Variants in STOX2 observed in about 807,000 individuals in gnomAD.
STOX2 encodes the protein storkhead-box protein 2.
A neutral mutation model predicts 60.9 loss-of-function variants in STOX2; 28 were observed. The ratio of observed to expected loss-of-function variants is 0.46; its 90% CI spans 0.34 to 0.63. The LOEUF (loss-of-function observed/expected upper bound fraction) is 0.63, where lower values mean the gene tolerates loss of function less well. Among genes scored for constraint, STOX2 ranks in the 30% least tolerant of loss-of-function variants. The pLI is 0.01. For missense variants in STOX2, 1,024 were observed against 1,187.7 expected, an observed-to-expected ratio of 0.86 and a Z score of 2.03; for synonymous variants, 472 against 463.9, an observed-to-expected ratio of 1.02 and a Z score of -0.22.
At chr4:183,860,911 C>A (rs1485542639) in intron 1 of STOX2, among the ~76,000 whole-genome samples, 3 of 152,216 alleles carry the variant, frequency 2.0e-5, no homozygotes, top group African/African-American at 7.2e-5. Flanking sequence ...GCCTGCCAAG[C>A]ATCTTCCTGT....
At chr4:183,969,354 G>A (rs569304023) in intron 1 of STOX2, among the ~76,000 whole-genome samples, 11 of 152,244 alleles carry the variant, frequency 7.2e-5, no homozygotes, top group African/African-American at 1.2e-4. Flanking sequence ...GATAGCTTTC[G>A]CAAATTTAGA....
At chr4:183,911,616 G>C (rs1270316543) in intron 1 of STOX2, among the ~76,000 whole-genome samples, 1 of 151,784 alleles carries the variant, frequency 6.6e-6, no homozygotes, top group African/African-American at 2.4e-5. Flanking sequence ...GTTTTTATTT[G>C]AAAAAAAGGA....
At chr4:183,998,455 C>T (rs759745173) in intron 1 of STOX2, among the ~76,000 whole-genome samples, 1 of 152,166 alleles carries the variant, frequency 6.6e-6, no homozygotes, top group East Asian at 1.9e-4. Flanking sequence ...GCCTGCGGTA[C>T]GGAGGGCAGA....
Position 184,001,237 on chromosome 4 carries a change from C to G in STOX2, c.167-88C>G. On this transcript the variant is annotated intron_variant, in intron 1 of 3. Transcript: ENST00000308497. This position sits in a 1 kb window ranked among gnomAD's most constrained non-coding sequence, Gnocchi z 4.2. ...TCGGAGCTGACTGTGTTCGTCAGAC[C>G]AGGGCCAGATGGACGCGTGAAGGCG... The G allele has an allele frequency of 1.5e-6, 2 of 1,346,694 alleles. No homozygotes were observed. Among genetic ancestry groups the G allele is most frequent in the Non-Finnish European group, 2.1e-6 (2 of 960,092 alleles). The allele number at this position is 1,346,694 out of a possible 1,614,324, so 83.4% of individuals were successfully genotyped here. A position where few individuals can be genotyped will look rare whatever the true frequency, so the allele number is the denominator to read the frequency against.
chr4:183,848,522 C>T (rs1355604875), intron 1 of STOX2, among the ~76,000 whole-genome samples: 1 of 152,132 alleles, frequency 6.6e-6, no homozygotes, highest in Non-Finnish European at 1.5e-5. Flanking sequence ...TGTGATTCTT[C>T]TGTCAGGGCT....
intron 1 of STOX2, among the ~76,000 whole-genome samples, chr4:183,948,507 T>G (rs928425686): frequency 6.8e-6 from 1 of 146,460 alleles, no homozygotes; most frequent in African/African-American, 2.5e-5. Context: ...TATGCAGCCT[T>G]TGGACAAGCT....
chr4:183,830,182 T>C (rs1438525958), intron 1 of STOX2, among the ~76,000 whole-genome samples: 1 of 152,200 alleles, frequency 6.6e-6, no homozygotes, highest in African/African-American at 2.4e-5. Context: ...ACAAGGTATC[T>C]AGGGTCACCT....
chr4:184,006,355 AC>A (rs1733826153), intron 2 of STOX2, among the ~76,000 whole-genome samples: 1 of 152,186 alleles, frequency 6.6e-6, no homozygotes, highest in African/African-American at 2.4e-5. Flanking sequence ...GCTGTGCCAA[AC>A]AATGACAGTG....
intron 1 of STOX2, among the ~76,000 whole-genome samples, chr4:183,942,677 G>T (rs1742784589): frequency 6.6e-6 from 1 of 151,922 alleles, no homozygotes; most frequent in African/African-American, 2.4e-5. Context: ...GTAAAATATG[G>T]GCTAACTACT....
chr4:183,968,343 T>TACACACACACAC lies in STOX2; in HGVS notation c.167-32956_167-32945dup, dbSNP rs60432446. Among the ~76,000 whole-genome samples the TACACACACACAC allele has an allele frequency of 5.3e-3, 778 of 145,582 alleles. 7 individuals carry two copies. Among genetic ancestry groups the TACACACACACAC allele is most frequent in the African/African-American group, 0.017 (683 of 39,666 alleles). On this transcript the variant is annotated intron_variant, in intron 1 of 3. Transcript: ENST00000308497. ...TTTAACATGCACACATGCATATACC[T>TACACACACACAC]ACACACACACACACACACACACACA...
chr4:183,981,743 A>G (rs923389366), intron 1 of STOX2, among the ~76,000 whole-genome samples: 1 of 152,242 alleles, frequency 6.6e-6, no homozygotes, highest in African/African-American at 2.4e-5. Flanking sequence ...AAAAAATTAG[A>G]TATCTGCATA....
intron 1 of STOX2, among the ~76,000 whole-genome samples, chr4:183,824,912 G>A (rs554974299): frequency 2.2e-4 from 33 of 152,302 alleles, no homozygotes; most frequent in African/African-American, 7.5e-4. Context: ...GAAGAGAGGG[G>A]ACCGATAGAG....
intron 1 of STOX2, among the ~76,000 whole-genome samples, chr4:183,883,350 C>G (rs907435652): frequency 6.8e-6 from 1 of 146,144 alleles, no homozygotes; most frequent in Non-Finnish European, 1.5e-5. Flanking sequence ...GACAGAGTCT[C>G]GCTCTGTCGC....
chr4:183,819,411 G>A (rs1012233384), intron 1 of STOX2, among the ~76,000 whole-genome samples: 3 of 151,906 alleles, frequency 2.0e-5, no homozygotes, highest in Non-Finnish European at 2.9e-5. Context: ...CAGGCATGGC[G>A]GCGCGCGCCC....
chr4:183,881,059 C>G (rs1740947129), intron 1 of STOX2, among the ~76,000 whole-genome samples: 1 of 152,116 alleles, frequency 6.6e-6, no homozygotes, highest in Non-Finnish European at 1.5e-5. Flanking sequence ...TCTTCAAGAG[C>G]CTTTCTGCCT....
intron 1 of STOX2, among the ~76,000 whole-genome samples, chr4:183,867,144 G>C (rs1740587305): frequency 6.6e-6 from 1 of 152,094 alleles, no homozygotes. Context: ...AGTTTAGAGT[G>C]GATCAAGGTG....
chr4:183,928,522 A>G (rs955812982), intron 1 of STOX2, among the ~76,000 whole-genome samples: 10 of 152,214 alleles, frequency 6.6e-5, no homozygotes, highest in Admixed American at 4.6e-4. Context: ...AGAGATTTCA[A>G]TTATTAACGG....
rs146024028 is a variant in STOX2 at position 183,841,179 on chromosome 4, G to GTATCTATC, written c.364+43127_364+43128insCTATCTAT. 9.5e-5 allele frequency among the ~76,000 whole-genome samples: 14 copies of GTATCTATC among 148,000 alleles called. No homozygotes were observed. In the East Asian group the frequency reaches 1.8e-3, roughly 19 times the overall value. ...CACGCCCGGTTCAGTTTTCATCGTA[G>GTATCTATC]TATTTATTTATTTATTTATTTATTT... On this transcript the variant is annotated intron_variant, in intron 1 of 2. Coordinates refer to the STOX2 transcript ENST00000513034.
rs142603185 is a variant in STOX2, at chr4:183,850,826, A to T, written c.364+52771A>T. Among the ~76,000 whole-genome samples, 1,270 of 150,438 alleles carry T rather than the reference A, an allele frequency of 8.4e-3. 12 individuals are homozygous for T. The highest frequency in any genetic ancestry group is 0.029 in the African/African-American group (1,206 of 41,050). ...AATGGGAGAAAGGATGAGGGAAAGG[A>T]TGAGAGAAAGGATGAGAGAAAGGAT... On this transcript the variant is annotated intron_variant, in intron 1 of 2. Coordinates refer to the STOX2 transcript ENST00000513034.
Sources: gnomAD v4.1 joint callset for allele counts (sites outside exome capture counted in the v4.1 genomes callset) on GRCh38, gnomAD v4.1.1 for gene constraint, Gnocchi (gnomAD v3.1) non-coding constraint, MANE v1.5 for transcripts, NCBI Gene and HGNC (gene_info 2026-07-23, HGNC 2026-07-21) for gene names.